RBPJ: variants seen among roughly 807,000 people sequenced by gnomAD.
RBPJ encodes recombining binding protein suppressor of hairless.
Under a neutral mutation model 67.8 loss-of-function variants are expected in RBPJ, and 9 were observed. The observed-to-expected ratio is 0.13, with a 90% CI of 0.08 to 0.23. RBPJ has a LOEUF of 0.23. RBPJ is among the 10% of genes least tolerant of loss of function. RBPJ has a pLI of 1.00. For missense variants in RBPJ, 305 were observed against 595.6 expected, an observed-to-expected ratio of 0.51 and a Z score of 5.08; for synonymous variants, 198 against 203.3, an observed-to-expected ratio of 0.97 and a Z score of 0.22.
chr4:26,392,659 T>C (rs1309612003), intron 2 of RBPJ, among the ~76,000 whole-genome samples: 4 of 152,106 alleles, frequency 2.6e-5, no homozygotes, highest in Non-Finnish European at 4.4e-5. Context: ...TTCCTGGGGA[T>C]AGGGGGAGGC....
the RBPJ span, among the ~76,000 whole-genome samples, chr4:26,158,142 A>G: frequency 6.6e-6 from 1 of 152,176 alleles, no homozygotes; most frequent in African/African-American, 2.4e-5. Flanking sequence ...ATAAATACTC[A>G]TCCTATAGGC....
intron 1 of RBPJ, 98 bp from the exon 2 acceptor site, chr4:26,386,255 A>G (rs1730900694): frequency 1.3e-6 from 1 of 781,614 alleles, no homozygotes; most frequent in Admixed American, 2.7e-5. Flanking sequence ...AGATTGAAGT[A>G]TAAGTCATAA....
chr4:26,368,043 T>A (rs1728795873), intron 1 of RBPJ: 1 of 152,212 alleles, frequency 6.6e-6, no homozygotes, highest in South Asian at 2.1e-4. Context: ...GGAAATTTAG[T>A]CAAAGTACAT....
intron 1 of RBPJ, among the ~76,000 whole-genome samples, chr4:26,259,724 T>C (rs1165791501): frequency 6.6e-6 from 1 of 152,238 alleles, no homozygotes; most frequent in Non-Finnish European, 1.5e-5. Flanking sequence ...TGTTGGCTAT[T>C]GTCTCTGCTG....
intron 1 of RBPJ, among the ~76,000 whole-genome samples, chr4:26,343,908 A>C (rs915810557): frequency 6.7e-6 from 1 of 150,094 alleles, no homozygotes; most frequent in African/African-American, 2.4e-5. Flanking sequence ...CCGCCACCAC[A>C]CTCGGCTAAT....
intron 1 of RBPJ, among the ~76,000 whole-genome samples, chr4:26,281,841 A>G (rs7680477): frequency 0.065 from 9,891 of 152,276 alleles, 831 homozygotes; most frequent in African/African-American, 0.2. Flanking sequence ...AGATGTCTGG[A>G]CAGAAGAGTT....
chr4:26,225,447 G>GA (rs1443588718), intron 1 of RBPJ, among the ~76,000 whole-genome samples: 1 of 152,238 alleles, frequency 6.6e-6, no homozygotes, highest in Non-Finnish European at 1.5e-5. Context: ...GTTTGCCGGG[G>GA]AAAGGGAGAC....
At chr4:26,308,190 G>A (rs976121130) in intron 1 of RBPJ, among the ~76,000 whole-genome samples, 1 of 152,206 alleles carries the variant, frequency 6.6e-6, no homozygotes, top group Admixed American at 6.5e-5. Context: ...GCGGGAGAAT[G>A]GCGTGAGCCC....
chr4:26,118,444 C>T, the RBPJ span, among the ~76,000 whole-genome samples: 1 of 152,300 alleles, frequency 6.6e-6, no homozygotes, highest in South Asian at 2.1e-4. Flanking sequence ...CAGGTGGGAT[C>T]ATGTGGTACA....
chr4:26,199,372 T>C (rs762599903), intron 1 of RBPJ, among the ~76,000 whole-genome samples: 2 of 152,104 alleles, frequency 1.3e-5, no homozygotes, highest in Admixed American at 1.3e-4. Flanking sequence ...GAGGTGGAGC[T>C]TGCGGGGATT....
chr4:26,408,534 T>C (rs557778325), intron 3 of RBPJ, among the ~76,000 whole-genome samples: 1 of 152,102 alleles, frequency 6.6e-6, no homozygotes, highest in Admixed American at 6.6e-5. Context: ...GGAGGAAGAA[T>C]CTAAAAGGCC....
chr4:26,334,512 A>T (rs935601754), intron 1 of RBPJ, among the ~76,000 whole-genome samples: 3 of 152,134 alleles, frequency 2.0e-5, no homozygotes, highest in Non-Finnish European at 4.4e-5. Flanking sequence ...CATACATGAG[A>T]ATTCTTCTGA....
chr4:26,243,249 A>C (rs1269591736), intron 1 of RBPJ, among the ~76,000 whole-genome samples: 1 of 152,186 alleles, frequency 6.6e-6, no homozygotes, highest in East Asian at 1.9e-4. Flanking sequence ...AATAATGATA[A>C]AAAGTAAAAG....
chr4:26,282,204 T>C (rs1020866471), intron 1 of RBPJ, among the ~76,000 whole-genome samples: 7 of 151,346 alleles, frequency 4.6e-5, no homozygotes, highest in Non-Finnish European at 8.8e-5. Context: ...AATTTTGCTA[T>C]TGATAGTAGG....
chr4:26,263,348 G>T (rs572911398), intron 1 of RBPJ, among the ~76,000 whole-genome samples: 61 of 128,706 alleles, frequency 4.7e-4, no homozygotes, highest in African/African-American at 1.8e-3. Flanking sequence ...TCCACTTAGA[G>T]AACATTGGCT....
chr4:26,301,451 G>C (rs1018573971), intron 1 of RBPJ, among the ~76,000 whole-genome samples: 2 of 151,922 alleles, frequency 1.3e-5, no homozygotes, highest in African/African-American at 4.8e-5. Flanking sequence ...AATTAGCCGG[G>C]CGTGGTGGCG....
At chr4:26,109,423 TCC>T in the RBPJ span, among the ~76,000 whole-genome samples, 3,966 of 18,106 alleles carry the variant, frequency 0.22, 962 homozygotes, top group Admixed American at 0.25. Flanking sequence ...TCTCTCTCTC[TCC>T]CTCTCTCTCT....
chr4:26,168,751 T>C lies in RBPJ; in HGVS notation c.-167+5137T>C, dbSNP rs1716425527. ...GTCTTTTCACATAGTCCCATATTTC[T>C]TGGAGGCTTTGTTCGTTTCTTTTTA... is the stretch of plus-strand genomic sequence containing the variant. On this transcript the variant is annotated intron_variant, in intron 1 of 4. Transcript: ENST00000512351. Among the ~76,000 whole-genome samples the C allele has an allele frequency of 2.6e-5, 4 of 152,240 alleles. 1 individual carries two copies. The highest frequency in any genetic ancestry group is 2.6e-4 in the Admixed American group (4 of 15,286).
intron 2 of RBPJ, among the ~76,000 whole-genome samples, chr4:26,391,821 T>C (rs1220952536): frequency 6.6e-6 from 1 of 152,228 alleles, no homozygotes; most frequent in African/African-American, 2.4e-5. Context: ...AGTGTGTTAG[T>C]CCCACTGGTT....
Sources: allele counts gnomAD v4.1 joint callset (sites outside exome capture counted in the v4.1 genomes callset), GRCh38; gene constraint gnomAD v4.1.1; transcripts MANE v1.5; gene names NCBI Gene and HGNC (gene_info 2026-07-23, HGNC 2026-07-21).